CDK5: variants seen among roughly 807,000 people sequenced by gnomAD.
The protein encoded by CDK5 is cyclin-dependent kinase 5.
CDK5 carries 18 observed loss-of-function variants against 44.6 expected under a neutral mutation model. The observed-to-expected ratio is 0.40, with a 90% CI of 0.28 to 0.60. The LOEUF (loss-of-function observed/expected upper bound fraction) is 0.60. Among genes scored for constraint, CDK5 ranks in the 20% least tolerant of loss-of-function variants. The probability of loss-of-function intolerance (pLI) is 0.38; values close to 1 mark genes in which losing one functional copy is unlikely to be tolerated. For synonymous variants in CDK5, 143 were observed against 152.8 expected (o/e 0.94, Z 0.47); for missense variants, 198 against 368.1 (o/e 0.54, Z 3.78).
In CDK5 at chr7:151,057,732, CG is replaced by C; in HGVS notation, c.37+79del. ...GATCGGAGCCTGTAGGCATTGCTGA[CG>C]GTAAGGGAGCCAGGGCTTCAAGGAA... On this transcript the variant is annotated intron_variant, in intron 1 of 11. Coordinates refer to ENST00000485972, the MANE Select transcript of CDK5 (RefSeq NM_004935.4). The surrounding 1 kb of genome is among the most constrained non-coding windows in gnomAD (Gnocchi z 5.2). 6.8e-7 allele frequency: 1 copy of C among 1,478,834 alleles called. No homozygotes were observed. Among genetic ancestry groups the C allele is most frequent in the Non-Finnish European group, 9.3e-7 (1 of 1,075,952 alleles). The allele number at this position is 1,478,834 out of a possible 1,614,324, so 91.6% of individuals were successfully genotyped here.
rs1427097806 is a variant in CDK5, at chr7:151,055,518, A to C, written c.483+14T>G. 6.2e-7 allele frequency: 1 copy of C among 1,612,496 alleles called. No individual in the cohort carries two copies. The highest frequency in any genetic ancestry group is 1.7e-5 in the Admixed American group (1 of 60,004). On this transcript the variant is annotated intron_variant, in intron 7 of 11. Coordinates refer to ENST00000485972, the MANE Select transcript of CDK5 (RefSeq NM_004935.4). ...ACTCCCTCCCCCAATCCCATATCCCATCTTCTAGCTCACCTCAGCTGAGTA... is the reference window on the plus strand; with the variant it reads ...ACTCCCTCCCCCAATCCCATATCCCCTCTTCTAGCTCACCTCAGCTGAGTA...
Position 151,056,938 on chromosome 7 carries a change from A to G in CDK5, c.164T>C (p.Leu55Pro). ...PSSALREICL[L>P]KELKHKNIVR... Reference sequence around the variant, plus strand: ...GATGTTCTTGTGCTTCAGCTCCTTGAGTAGGCAGATCTCCCGGAGGGCGGA... The same window carrying G: ...GATGTTCTTGTGCTTCAGCTCCTTGGGTAGGCAGATCTCCCGGAGGGCGGA... Residue 55 changes from leucine to proline, a missense_variant, in exon 3 of 12, where the codon CTC becomes CCC. Leu to Pro is a moderately conservative substitution (Grantham distance 98). Transcript: ENST00000485972. The surrounding 1 kb of genome is among the most constrained non-coding windows in gnomAD (Gnocchi z 4.7). The G allele has an allele frequency of 6.2e-7, 1 of 1,613,412 alleles. No homozygotes were observed.
At position 151,054,007 on chromosome 7, in the gene CDK5, G is replaced by T. The variant is rs1322296382; in HGVS notation, c.*2C>A. 1 of 1,585,452 alleles carries T rather than the reference G, an allele frequency of 6.3e-7. No homozygotes were observed. Among genetic ancestry groups the T allele is most frequent in the South Asian group, 1.1e-5 (1 of 86,980 alleles). ...CAGCCTGGAGGCCGGGGGTCCCGGG[G>T]CCTAGGGCGGACAGAAGTCGGAGAA... On this transcript the variant is annotated 3_prime_UTR_variant, in exon 12 of 12. Transcript: ENST00000485972. The surrounding 1 kb of genome is among the most constrained non-coding windows in gnomAD (Gnocchi z 5.7).
Position 151,057,745 on chromosome 7 carries a change from A to C in CDK5, c.37+67T>G. 1 of 1,535,790 alleles carries C rather than the reference A, an allele frequency of 6.5e-7. No homozygotes were observed. Among genetic ancestry groups the C allele is most frequent in the South Asian group, 1.2e-5 (1 of 85,702 alleles). ...AGGCATTGCTGACGGTAAGGGAGCC[A>C]GGGCTTCAAGGAATGCCGAAGGATC... On this transcript the variant is annotated intron_variant, in intron 1 of 11. Coordinates refer to ENST00000485972, the MANE Select transcript of CDK5 (RefSeq NM_004935.4). The surrounding 1 kb of genome is among the most constrained non-coding windows in gnomAD (Gnocchi z 5.2).
chr7:151,057,511 C>A lies in CDK5; in HGVS notation c.37+301G>T. Reference sequence around the variant, plus strand: ...TGGAGGTCTGCAGCAAGAAACGAGGCTGGGGGTCGGGGTGAGGTTGTCCAA... The same window carrying A: ...TGGAGGTCTGCAGCAAGAAACGAGGATGGGGGTCGGGGTGAGGTTGTCCAA... On this transcript the variant is annotated intron_variant, in intron 1 of 11. Transcript: ENST00000485972. The surrounding 1 kb of genome is among the most constrained non-coding windows in gnomAD (Gnocchi z 5.2). 1.7e-6 allele frequency: 1 copy of A among 594,630 alleles called. No individual in the cohort carries two copies. The highest frequency in any genetic ancestry group is 3.0e-6 in the Non-Finnish European group (1 of 334,558). The allele number at this position is 594,630 out of a possible 1,614,324, so 36.8% of individuals were successfully genotyped here.
Position 151,054,108 on chromosome 7 carries a change from G to A in CDK5, c.793-13C>T. On this transcript the variant is annotated splice_polypyrimidine_tract_variant and intron_variant, in intron 11 of 11. Transcript: ENST00000485972. The surrounding 1 kb of genome is among the most constrained non-coding windows in gnomAD (Gnocchi z 5.7). Reference sequence around the variant, plus strand: ...ACTTCAGAAGGTTCTGGAGATGGGGGAAAGGAGGTGGCAGGTTCAGGACAG... The same window carrying A: ...ACTTCAGAAGGTTCTGGAGATGGGGAAAAGGAGGTGGCAGGTTCAGGACAG... 1 of 1,595,474 alleles carries A rather than the reference G, an allele frequency of 6.3e-7. No homozygotes were observed. Among genetic ancestry groups the A allele is most frequent in the Non-Finnish European group, 8.5e-7 (1 of 1,170,874 alleles).
chr7:151,057,446 G>C lies in CDK5; in HGVS notation c.38-286C>G. The C allele has an allele frequency of 1.7e-6, 1 of 589,830 alleles. No homozygotes were observed. The highest frequency in any genetic ancestry group is 2.0e-5 in the South Asian group (1 of 50,052). The allele number at this position is 589,830 out of a possible 1,614,324, so 36.5% of individuals were successfully genotyped here. ...GAAGGGTCTGGAAATAGTGAGGAGG[G>C]GTCTGGGAGAGGACTGAGGGGCTGC... On this transcript the variant is annotated intron_variant, in intron 1 of 11. Transcript: ENST00000485972. The surrounding 1 kb of genome is among the most constrained non-coding windows in gnomAD (Gnocchi z 5.2).
rs376139702 is a variant in CDK5 at position 151,055,065 on chromosome 7, G to C, written c.612C>G (p.Pro204=). Residue 204 remains proline (P), a synonymous_variant, in exon 9 of 12, where the codon CCC becomes CCG. Transcript: ENST00000485972. ...ELANAGRPLF[P]GNDVDDQLKR... ...TCAACTGGTCATCGACATCATTGCC[G>C]GGAAAAAGAGGCCGCCCAGCATTGG... The C allele has an allele frequency of 1.2e-6, 2 of 1,613,598 alleles. No homozygotes were observed. Among genetic ancestry groups the C allele is most frequent in the South Asian group, 2.2e-5 (2 of 91,038 alleles).
chr7:151,054,795 G>A lies in CDK5; in HGVS notation c.650+232C>T, dbSNP rs1216666231. On this transcript the variant is annotated intron_variant, in intron 9 of 11. Transcript: ENST00000485972. The surrounding 1 kb of genome is among the most constrained non-coding windows in gnomAD (Gnocchi z 5.7). ...CTCTCACCTGGAGGGACACCCTCTCGGCTTCACCCCTCAGGGCACGCTGCC... is the reference window on the plus strand; with the variant it reads ...CTCTCACCTGGAGGGACACCCTCTCAGCTTCACCCCTCAGGGCACGCTGCC... Among the ~76,000 whole-genome samples the A allele has an allele frequency of 6.6e-6, 1 of 152,068 alleles. No individual in the cohort carries two copies. Among genetic ancestry groups the A allele is most frequent in the East Asian group, 1.9e-4 (1 of 5,174 alleles).
chr7:151,057,724 A>C lies in CDK5; in HGVS notation c.37+88T>G, dbSNP rs1033855323. The C allele has an allele frequency of 6.3e-6, 9 of 1,418,566 alleles. No individual in the cohort carries two copies. Among genetic ancestry groups the C allele is most frequent in the Non-Finnish European group, 8.8e-6 (9 of 1,022,998 alleles). The allele number at this position is 1,418,566 out of a possible 1,614,324, so 87.9% of individuals were successfully genotyped here. A position where few individuals can be genotyped will look rare whatever the true frequency, so the allele number is the denominator to read the frequency against. On this transcript the variant is annotated intron_variant, in intron 1 of 11. Transcript: ENST00000485972. This position sits in a 1 kb window ranked among gnomAD's most constrained non-coding sequence, Gnocchi z 5.2. ...GCTGCTGAGATCGGAGCCTGTAGGC[A>C]TTGCTGACGGTAAGGGAGCCAGGGC...
chr7:151,056,458 C>G lies in CDK5; in HGVS notation c.312+122G>C. Reference sequence around the variant, plus strand: ...CCCTGGAGGACAGAAACAGGGTTTTCTCATTCTCTAACACCCTAGAGTGTC... The same window carrying G: ...CCCTGGAGGACAGAAACAGGGTTTTGTCATTCTCTAACACCCTAGAGTGTC... On this transcript the variant is annotated intron_variant, in intron 5 of 11. Coordinates refer to ENST00000485972, the MANE Select transcript of CDK5 (RefSeq NM_004935.4). The surrounding 1 kb of genome is among the most constrained non-coding windows in gnomAD (Gnocchi z 4.7). 1 of 837,262 alleles carries G rather than the reference C, an allele frequency of 1.2e-6. No individual in the cohort carries two copies. Among genetic ancestry groups the G allele is most frequent in the African/African-American group, 1.7e-5 (1 of 59,012 alleles). The allele number at this position is 837,262 out of a possible 1,614,324, so 51.9% of individuals were successfully genotyped here. A position where few individuals can be genotyped will look rare whatever the true frequency, so the allele number is the denominator to read the frequency against.
chr7:151,057,852 G>A lies in CDK5; in HGVS notation c.-4C>T, dbSNP rs1379626564. On this transcript the variant is annotated 5_prime_UTR_variant, in exon 1 of 12. Transcript: ENST00000485972. The surrounding 1 kb of genome is among the most constrained non-coding windows in gnomAD (Gnocchi z 5.2). ...CCAGTTTCTCGTATTTCTGCATCGC[G>A]GCGGCCGCGGGGACCCCTGCGGGCC... is the stretch of plus-strand genomic sequence containing the variant. The A allele has an allele frequency of 6.2e-7, 1 of 1,609,648 alleles. No homozygotes were observed. Among genetic ancestry groups the A allele is most frequent in the Non-Finnish European group, 8.5e-7 (1 of 1,178,214 alleles).
In CDK5 at chr7:151,054,170, T is replaced by C. The variant is rs751476293; in HGVS notation, c.792+42A>G. 14 of 1,596,838 alleles carry C rather than the reference T, an allele frequency of 8.8e-6. No individual in the cohort carries two copies. Among genetic ancestry groups the C allele is most frequent in the South Asian group, 4.5e-5 (4 of 88,532 alleles). On this transcript the variant is annotated intron_variant, in intron 11 of 11. Transcript: ENST00000485972. The surrounding 1 kb of genome is among the most constrained non-coding windows in gnomAD (Gnocchi z 5.7). ...GAGCCCTGCCTTCCTGTAGTCCCAC[T>C]GGGCAAGTGTCCTGACCCACCCTCT...
Position 151,055,599 on chromosome 7 carries a change from T to C in CDK5, c.416A>G (p.Glu139Gly). 1 of 1,613,384 alleles carries C rather than the reference T, an allele frequency of 6.2e-7. No individual in the cohort carries two copies. Residue 139 changes from glutamate (E) to glycine (G), a missense_variant, in exon 7 of 12, where the codon GAG becomes GGG. Physicochemically the swap from Glu to Gly is moderately conservative, Grantham distance 98 (BLOSUM62 -2). Transcript: ENST00000485972. ...PQNLLINRNGELKLADFGLAR... is the reference protein window; with the variant it reads ...PQNLLINRNGGLKLADFGLAR... ...CAGGCCAAAATCAGCCAATTTCAGC[T>C]CCCCATTCTGAAGGGAATGGGAAGG...
In CDK5 at chr7:151,054,280, A is replaced by G; in HGVS notation, c.724T>C (p.Tyr242His). ...TTCACCAGGGATGTTGTGGCCGGGT[A>G]CATCGGATAGGGCTGTGGAGAGGCA... Reference protein sequence around the residue: ...KLPDYKPYPMYPATTSLVNVV... With the variant: ...KLPDYKPYPMHPATTSLVNVV... The change falls in exon 11 of 12, where the codon TAC becomes CAC. Residue 242 changes from tyrosine to histidine, a missense_variant. By Grantham distance (83) the Tyr-to-His change is moderately conservative. This residue lies in a region of CDK5 where 81 missense variants were observed against 102.1 expected (regional missense o/e 0.79). Coordinates refer to ENST00000485972, the MANE Select transcript of CDK5 (RefSeq NM_004935.4). This position sits in a 1 kb window ranked among gnomAD's most constrained non-coding sequence, Gnocchi z 5.7. 1 of 1,613,778 alleles carries G rather than the reference A, an allele frequency of 6.2e-7. No individual in the cohort carries two copies. Among genetic ancestry groups the G allele is most frequent in the Non-Finnish European group, 8.5e-7 (1 of 1,179,774 alleles).
At position 151,056,591 on chromosome 7, in the gene CDK5, C is replaced by G; in HGVS notation, c.301G>C (p.Glu101Gln). 1 of 1,611,682 alleles carries G rather than the reference C, an allele frequency of 6.2e-7. No individual in the cohort carries two copies. Among genetic ancestry groups the G allele is most frequent in the Non-Finnish European group, 8.5e-7 (1 of 1,178,814 alleles). ...ACCACTCTCCTCACCTTTACAATCT[C>G]AGGATCGAGGTCACCATTGCAACTG... is the stretch of plus-strand genomic sequence containing the variant. ...FDSCNGDLDP[E>Q]IVKSFLFQLL... is the part of the protein sequence containing the mutation. The change falls in exon 5 of 12, where the codon GAG (glutamate) becomes CAG (glutamine). Residue 101 changes from glutamate to glutamine, a missense_variant. Glu to Gln is a conservative substitution (Grantham distance 29). Around this residue, in one of 4 missense-constraint regions of CDK5, gnomAD observed 26 missense variants for 28.2 expected, o/e 0.92. Transcript: ENST00000485972. The surrounding 1 kb of genome is among the most constrained non-coding windows in gnomAD (Gnocchi z 4.7).
In CDK5 at chr7:151,054,015, C is replaced by T. The variant is rs773329997; in HGVS notation, c.873G>A (p.Pro291=). The change falls in exon 12 of 12, where the codon CCG becomes CCA. Residue 291 remains proline, a synonymous_variant. Transcript: ENST00000485972. The surrounding 1 kb of genome is among the most constrained non-coding windows in gnomAD (Gnocchi z 5.7). ...AGGCCGGGGGTCCCGGGGCCTAGGG[C>T]GGACAGAAGTCGGAGAAGTAGGGGT... ...LQHPYFSDFC[P]P 70 of 1,590,630 alleles carry T rather than the reference C, an allele frequency of 4.4e-5. No individual in the cohort carries two copies. Among genetic ancestry groups the T allele is most frequent in the Admixed American group, 1.1e-4 (6 of 56,180 alleles).
Position 151,057,683 on chromosome 7 carries a change from G to C in CDK5, c.37+129C>G. On this transcript the variant is annotated intron_variant, in intron 1 of 11. Coordinates refer to ENST00000485972, the MANE Select transcript of CDK5 (RefSeq NM_004935.4). The surrounding 1 kb of genome is among the most constrained non-coding windows in gnomAD (Gnocchi z 5.2). ...GTCTGCACGGAGTGCTGAGCTAGGG[G>C]GCCAGGGCTGCAGCCGCTGCTGAGA... 2 of 986,794 alleles carry C rather than the reference G, an allele frequency of 2.0e-6. No individual in the cohort carries two copies. Among genetic ancestry groups the C allele is most frequent in the South Asian group, 1.4e-5 (1 of 72,924 alleles). 61.1% of individuals were successfully genotyped at this position (986,794 alleles called of 1,614,324 possible). A position where few individuals can be genotyped will look rare whatever the true frequency, so the allele number is the denominator to read the frequency against.
At chr7:151,055,641 C>T in intron 6 of CDK5, 35 bp from the exon 7 acceptor site, 6 of 1,599,350 alleles carry the variant, frequency 3.8e-6, no homozygotes, top group Non-Finnish European at 5.1e-6. Context: ...GGAGAAGGGC[C>T]TTTAAAAAGC....
Sources: gnomAD v4.1 joint callset for allele counts (sites outside exome capture counted in the v4.1 genomes callset) on GRCh38, gnomAD v4.1.1 for gene constraint, gnomAD v4.1.1 regional missense constraint, Gnocchi (gnomAD v3.1) non-coding constraint, MANE v1.5 for transcripts, NCBI Gene and HGNC (gene_info 2026-07-23, HGNC 2026-07-21) for gene names.